NOVA1: variants seen among roughly 807,000 people sequenced by gnomAD.
The protein encoded by NOVA1 is NOVA alternative splicing regulator 1, also known as RNA-binding protein Nova-1.
A neutral mutation model predicts 38.0 loss-of-function variants in NOVA1; 7 were observed. The ratio of observed to expected loss-of-function variants is 0.18; its 90% confidence interval spans 0.10 to 0.35. The LOEUF is 0.35. Among genes scored for constraint, NOVA1 ranks in the 10% least tolerant of loss-of-function variants. NOVA1 has a pLI of 1.00. For synonymous variants in NOVA1, 270 were observed against 232.5 expected, an observed-to-expected ratio of 1.16 and a Z score of -1.47; for missense variants, 460 against 616.0, an observed-to-expected ratio of 0.75 and a Z score of 2.68.
intron 3 of NOVA1, among the ~76,000 whole-genome samples, chr14:26,473,117 T>C (rs1045858676): frequency 3.9e-5 from 6 of 151,938 alleles, no homozygotes; most frequent in South Asian, 2.1e-4. Context: ...GAGTATAATA[T>C]AGCATCATCA....
At position 26,447,993 on chromosome 14, in the gene NOVA1, C is replaced by T. The variant is rs1163819326; in HGVS notation, c.1490G>A (p.Gly497Glu). Residue 497 changes from glycine (G) to glutamate (E), a missense_variant, in exon 5 of 5, where the codon GGA (glycine) becomes GAA (glutamate). Coordinates refer to ENST00000539517, the MANE Select transcript of NOVA1 (RefSeq NM_002515.3). ...TTTCTGAGGATTGGCAGCCCGAACT[C>T]CTTGCTCATATGTGATCCTTTGTGT... is the stretch of plus-strand genomic sequence containing the variant. ...LITQRITYEQ[G>E]VRAANPQKVG 1.2e-6 allele frequency: 2 copies of T among 1,614,016 alleles called. No homozygotes were observed. The highest frequency in any genetic ancestry group is 1.7e-6 in the Non-Finnish European group (2 of 1,180,036).
At chr14:26,480,534 T>C (rs1390274294) in intron 2 of NOVA1, among the ~76,000 whole-genome samples, 1 of 152,076 alleles carries the variant, frequency 6.6e-6, no homozygotes, top group East Asian at 1.9e-4. Context: ...AAAACCGACA[T>C]AAAACCAGAG....
chr14:26,548,744 A>G (rs1890981994), intron 2 of NOVA1, among the ~76,000 whole-genome samples: 1 of 152,064 alleles, frequency 6.6e-6, no homozygotes, highest in South Asian at 2.1e-4. Context: ...GACTAAAACT[A>G]CAGTAAGCAG....
At chr14:26,583,438 G>T (rs1057071392) in intron 2 of NOVA1, among the ~76,000 whole-genome samples, 1 of 151,326 alleles carries the variant, frequency 6.6e-6, no homozygotes, top group Non-Finnish European at 1.5e-5. Context: ...TACACAACTG[G>T]TATTACTGAA....
chr14:26,458,256 A>C (rs935642356), intron 4 of NOVA1, among the ~76,000 whole-genome samples: 13 of 152,170 alleles, frequency 8.5e-5, no homozygotes, highest in African/African-American at 3.1e-4. Context: ...GCCACTGTGG[A>C]AAGCAGTGTG....
Position 26,444,296 on chromosome 14 carries a change from A to T in NOVA1, c.*3663T>A, listed in dbSNP as rs962802233. 1.3e-5 allele frequency: 2 copies of T among 152,148 alleles called. No homozygotes were observed. Among genetic ancestry groups the T allele is most frequent in the African/African-American group, 4.8e-5 (2 of 41,442 alleles). 9.4% of individuals were successfully genotyped at this position (152,148 alleles called of 1,614,324 possible). On this transcript the variant is annotated 3_prime_UTR_variant, in exon 5 of 5. Transcript: ENST00000539517. ...TAGAAGTGGTACACAAAAAACGGGG[A>T]TAAAATTTATCAGATTCTTGATAGC...
intron 2 of NOVA1, among the ~76,000 whole-genome samples, chr14:26,484,029 T>A (rs1566465317): frequency 6.6e-6 from 1 of 152,134 alleles, no homozygotes; most frequent in Non-Finnish European, 1.5e-5. Context: ...CTGAAATATG[T>A]ACAGGTAAAA....
rs1415273457 is a variant in NOVA1, at chr14:26,444,581, G to A, written c.*3378C>T. 1 of 152,098 alleles carries A rather than the reference G, an allele frequency of 6.6e-6. No homozygotes were observed. Among genetic ancestry groups the A allele is most frequent in the Non-Finnish European group, 1.5e-5 (1 of 68,004 alleles). 9.4% of individuals were successfully genotyped at this position (152,098 alleles called of 1,614,324 possible). ...TATTGTAAGCAATGAGTCGAAATGAGCCGTTACAGGTTAGAATTTATCTTT... is the reference window on the plus strand; with the variant it reads ...TATTGTAAGCAATGAGTCGAAATGAACCGTTACAGGTTAGAATTTATCTTT... On this transcript the variant is annotated 3_prime_UTR_variant, in exon 5 of 5. Transcript: ENST00000539517.
chr14:26,481,907 G>A (rs916681208), intron 2 of NOVA1, among the ~76,000 whole-genome samples: 3 of 145,244 alleles, frequency 2.1e-5, no homozygotes, highest in South Asian at 2.1e-4. Flanking sequence ...TATGAAAACA[G>A]ATCAGATTAC....
At chr14:26,542,620 C>T (rs561348479) in intron 2 of NOVA1, among the ~76,000 whole-genome samples, 2 of 147,022 alleles carry the variant, frequency 1.4e-5, no homozygotes, top group African/African-American at 2.4e-5. Context: ...TATTCTTTTA[C>T]AACCAACCCT....
At chr14:26,538,224 T>A (rs968968508) in intron 2 of NOVA1, among the ~76,000 whole-genome samples, 30 of 152,002 alleles carry the variant, frequency 2.0e-4, no homozygotes, top group African/African-American at 7.0e-4. Flanking sequence ...AAAAATACAG[T>A]TGGTTAATAC....
chr14:26,581,036 A>G (rs571914543), intron 2 of NOVA1, among the ~76,000 whole-genome samples: 46 of 152,170 alleles, frequency 3.0e-4, no homozygotes, highest in Non-Finnish European at 5.0e-4. Context: ...TTTAGTACCT[A>G]AAGTTATAAT....
Position 26,496,845 on chromosome 14 carries a change from T to G in NOVA1, c.281-16702A>C, listed in dbSNP as rs551189986. On this transcript the variant is annotated intron_variant, in intron 2 of 4. Coordinates refer to ENST00000539517, the MANE Select transcript of NOVA1 (RefSeq NM_002515.3). ...TTCTGAGGGCTCTGTTCTGTTCCATTGATCTATATCTCTGTTTTGGTACCA... is the reference window on the plus strand; with the variant it reads ...TTCTGAGGGCTCTGTTCTGTTCCATGGATCTATATCTCTGTTTTGGTACCA... Among the ~76,000 whole-genome samples, 22 of 152,242 alleles carry G rather than the reference T, an allele frequency of 1.4e-4. No homozygotes were observed. The South Asian group carries it at 4.6e-3, about 32-fold the overall frequency.
intron 3 of NOVA1, among the ~76,000 whole-genome samples, chr14:26,476,851 G>A (rs1040897685): frequency 6.7e-6 from 1 of 149,988 alleles, no homozygotes; most frequent in African/African-American, 2.5e-5. Context: ...CAGCAGCTGT[G>A]ACTACAGGCA....
At chr14:26,467,350 G>A (rs1377474774) in intron 4 of NOVA1, among the ~76,000 whole-genome samples, 1 of 152,164 alleles carries the variant, frequency 6.6e-6, no homozygotes, top group East Asian at 1.9e-4. Context: ...AATTAGCAAA[G>A]TGCTCATCAT....
chr14:26,577,303 A>G (rs1371158471), intron 2 of NOVA1, among the ~76,000 whole-genome samples: 2 of 152,112 alleles, frequency 1.3e-5, no homozygotes, highest in Admixed American at 1.3e-4. Context: ...ATCGATACTG[A>G]TATTTCTTAA....
chr14:26,589,238 C>T (rs1372155054), intron 2 of NOVA1, among the ~76,000 whole-genome samples: 6 of 151,576 alleles, frequency 4.0e-5, no homozygotes, highest in Non-Finnish European at 7.4e-5. Flanking sequence ...TATTTAAGGG[C>T]TGATTAATGA....
chr14:26,566,356 T>C (rs1258470073), intron 2 of NOVA1, among the ~76,000 whole-genome samples: 4 of 145,522 alleles, frequency 2.7e-5, no homozygotes, highest in African/African-American at 1.1e-4. Flanking sequence ...TTTATATACA[T>C]ATATACATAT....
chr14:26,456,865 G>T (rs1257721150), intron 4 of NOVA1, among the ~76,000 whole-genome samples: 2 of 151,508 alleles, frequency 1.3e-5, no homozygotes, highest in Admixed American at 6.6e-5. Flanking sequence ...CATATACAAA[G>T]GACAGTATGC....
Sources: allele counts gnomAD v4.1 joint callset (sites outside exome capture counted in the v4.1 genomes callset), GRCh38; gene constraint gnomAD v4.1.1; transcripts MANE v1.5; gene names NCBI Gene and HGNC (gene_info 2026-07-23, HGNC 2026-07-21).